Variants in TAX1BP1 observed in about 807,000 individuals in gnomAD.
TAX1BP1 encodes the protein Tax1 binding protein 1, also known as tax1-binding protein 1.
TAX1BP1 carries 62 observed loss-of-function variants against 97.7 expected under a neutral mutation model. The ratio of observed to expected loss-of-function variants is 0.63; its 90% CI spans 0.52 to 0.78. The LOEUF (loss-of-function observed/expected upper bound fraction) is 0.78, where lower values mean the gene tolerates loss of function less well. Among genes scored for constraint, TAX1BP1 ranks in the 30% least tolerant of loss-of-function variants. TAX1BP1 has a pLI of 0.00. For synonymous variants in TAX1BP1, 340 were observed against 304.2 expected, an observed-to-expected ratio of 1.12 and a Z score of -1.23; for missense variants, 867 against 916.1, an observed-to-expected ratio of 0.95 and a Z score of 0.69.
At chr7:27,752,581 C>T (rs1788059921) in intron 2 of TAX1BP1, among the ~76,000 whole-genome samples, 1 of 152,076 alleles carries the variant, frequency 6.6e-6, no homozygotes, top group African/African-American at 2.4e-5. Flanking sequence ...TAGTGAAGTC[C>T]AGGTTGGGTA....
intron 15 of TAX1BP1, 56 bp from the exon 16 acceptor site, chr7:27,827,682 G>A (rs1345269894): frequency 6.9e-7 from 1 of 1,440,098 alleles, no homozygotes; most frequent in Non-Finnish European, 9.7e-7. Context: ...ATTGAATTAA[G>A]GAATTTATAT....
chr7:27,815,417 G>A (rs1383734825), intron 13 of TAX1BP1, among the ~76,000 whole-genome samples: 1 of 152,052 alleles, frequency 6.6e-6, no homozygotes, highest in Non-Finnish European at 1.5e-5. Flanking sequence ...TTTATTAAAA[G>A]GTAAATTACA....
chr7:27,811,519 A>T (rs1790559112), intron 13 of TAX1BP1, among the ~76,000 whole-genome samples: 1 of 152,152 alleles, frequency 6.6e-6, no homozygotes, highest in Admixed American at 6.5e-5. Context: ...CAAGCAGCAA[A>T]ACCAGCTCAA....
intron 5 of TAX1BP1, among the ~76,000 whole-genome samples, chr7:27,775,589 A>G (rs1426576563): frequency 6.6e-6 from 1 of 152,090 alleles, no homozygotes; most frequent in Non-Finnish European, 1.5e-5. Context: ...CTTGCATGAG[A>G]TTTGAAGGCA....
chr7:27,796,704 A>G (rs1789947105), intron 12 of TAX1BP1, among the ~76,000 whole-genome samples: 1 of 152,038 alleles, frequency 6.6e-6, no homozygotes, highest in Non-Finnish European at 1.5e-5. Flanking sequence ...TGTACTAAAA[A>G]TACAAAAATT....
chr7:27,827,859 C>G, intron 16 of TAX1BP1, 39 bp downstream of exon 16: 1 of 1,573,584 alleles, frequency 6.4e-7, no homozygotes, highest in South Asian at 1.1e-5. Flanking sequence ...TGGGTTATAT[C>G]GGCCAGTGGT....
At chr7:27,787,684 C>T (rs1789540097) in intron 8 of TAX1BP1, 81 bp downstream of exon 8, 1 of 1,270,248 alleles carries the variant, frequency 7.9e-7, no homozygotes, top group Non-Finnish European at 1.0e-6. Context: ...ATTTTTAATT[C>T]CCCCAAGCTT....
chr7:27,779,903 A>G (rs1789188675), intron 5 of TAX1BP1, among the ~76,000 whole-genome samples: 1 of 152,196 alleles, frequency 6.6e-6, no homozygotes, highest in Non-Finnish European at 1.5e-5. Context: ...GGGGAAAGAG[A>G]TCTTAGACAA....
chr7:27,765,360 C>T (rs1788594534), intron 3 of TAX1BP1, among the ~76,000 whole-genome samples: 1 of 152,084 alleles, frequency 6.6e-6, no homozygotes, highest in South Asian at 2.1e-4. Context: ...CAGACCTCAT[C>T]TTTTCTGCCT....
At chr7:27,752,556 G>T (rs1377493466) in intron 2 of TAX1BP1, among the ~76,000 whole-genome samples, 1 of 152,160 alleles carries the variant, frequency 6.6e-6, no homozygotes, top group Non-Finnish European at 1.5e-5. Context: ...GTACATTATT[G>T]AAATGATTGA....
chr7:27,794,879 A>G (rs1789863317), intron 11 of TAX1BP1, among the ~76,000 whole-genome samples: 1 of 152,070 alleles, frequency 6.6e-6, no homozygotes, highest in Non-Finnish European at 1.5e-5. Context: ...CTATTTATTC[A>G]TTTATTTTTG....
intron 5 of TAX1BP1, among the ~76,000 whole-genome samples, chr7:27,775,227 A>G (rs1788986553): frequency 6.6e-6 from 1 of 152,188 alleles, no homozygotes; most frequent in African/African-American, 2.4e-5. Context: ...GAAAGGATAA[A>G]TTGTGGGAAA....
At chr7:27,821,897 C>T (rs577937357) in intron 15 of TAX1BP1, among the ~76,000 whole-genome samples, 5 of 152,290 alleles carry the variant, frequency 3.3e-5, no homozygotes, top group South Asian at 2.1e-4. Context: ...GTCTGTTCTG[C>T]ATAGTAATAT....
At chr7:27,816,072 G>A (rs1319888042) in intron 13 of TAX1BP1, among the ~76,000 whole-genome samples, 2 of 152,138 alleles carry the variant, frequency 1.3e-5, no homozygotes, top group Non-Finnish European at 2.9e-5. Context: ...GAGATTCACA[G>A]TTTACCCTAC....
At chr7:27,799,798 G>T (rs1790063958) in intron 12 of TAX1BP1, among the ~76,000 whole-genome samples, 167 bp from the exon 13 acceptor site, 1 of 152,020 alleles carries the variant, frequency 6.6e-6, no homozygotes, top group Admixed American at 6.6e-5. Flanking sequence ...TGTGTGGATA[G>T]AAAATGATTT....
rs1013525053 is a variant in TAX1BP1 at position 27,775,516 on chromosome 7, C to T, written c.612+5682C>T. Among the ~76,000 whole-genome samples, 4 of 152,220 alleles carry T rather than the reference C, an allele frequency of 2.6e-5. No homozygotes were observed. In the East Asian group the frequency reaches 7.7e-4, roughly 29 times the overall value. ...CTTTGTAATATGTCACCTTGCTAGG[C>T]TGAACTTATTTTCCAGAGTTCTCTT... On this transcript the variant is annotated intron_variant, in intron 5 of 16. Coordinates refer to ENST00000396319, the MANE Select transcript of TAX1BP1 (RefSeq NM_006024.7).
In TAX1BP1 at chr7:27,787,746, A is replaced by T. The variant is rs1051030317; in HGVS notation, c.1038+143A>T. The T allele has an allele frequency of 6.9e-6, 5 of 720,166 alleles. No individual in the cohort carries two copies. The Admixed American group carries it at 1.7e-4, about 25-fold the overall frequency. 44.6% of individuals were successfully genotyped at this position (720,166 alleles called of 1,614,324 possible). On this transcript the variant is annotated intron_variant, in intron 8 of 16. Transcript: ENST00000396319. ...AAACAGTTGGAAGAACAGAACAATG[A>T]ATACTGATGTACCCTAAAATATTTT...
Position 27,785,468 on chromosome 7 carries a change from G to A in TAX1BP1, c.831G>A (p.Lys277=). The A allele has an allele frequency of 6.2e-7, 1 of 1,611,824 alleles. No individual in the cohort carries two copies. The highest frequency in any genetic ancestry group is 8.5e-7 in the Non-Finnish European group (1 of 1,179,340). The change falls in exon 7 of 17, where the codon AAG becomes AAA. Residue 277 remains lysine (K), a synonymous_variant. Transcript: ENST00000396319. ...TTGAATGTCAGTTGAAGACAGAGAAGGATGAAAAGGAACTTTATAAGGTAA... is the reference window on the plus strand; with the variant it reads ...TTGAATGTCAGTTGAAGACAGAGAAAGATGAAAAGGAACTTTATAAGGTAA... ...EQLECQLKTE[K]DEKELYKVHL... is the part of the protein sequence containing the mutation.
chr7:27,808,547 G>C, intron 13 of TAX1BP1, among the ~76,000 whole-genome samples: 1 of 152,072 alleles, frequency 6.6e-6, no homozygotes, highest in South Asian at 2.1e-4. Flanking sequence ...TACTCTCCGC[G>C]CTCCTTTACT....
Sources: gnomAD v4.1 joint callset for allele counts (sites outside exome capture counted in the v4.1 genomes callset) on GRCh38, gnomAD v4.1.1 for gene constraint, MANE v1.5 for transcripts, NCBI Gene and HGNC (gene_info 2026-07-23, HGNC 2026-07-21) for gene names.